UTRN: variants seen among roughly 807,000 people sequenced by gnomAD.
UTRN encodes the protein utrophin.
In UTRN, 283 loss-of-function variants were observed where a neutral mutation model predicts 463.9. That is an observed-to-expected ratio of 0.61 (90% CI 0.55 to 0.67). The LOEUF (loss-of-function observed/expected upper bound fraction) is 0.67. Ranked by LOEUF, UTRN falls within the 30% of genes least tolerant of loss-of-function variation. The pLI is 0.00. For missense variants in UTRN, 3,922 were observed against 4,084.3 expected, an observed-to-expected ratio of 0.96 and a Z score of 1.08; for synonymous variants, 1,442 against 1,431.5, an observed-to-expected ratio of 1.01 and a Z score of -0.17.
intron 51 of UTRN, chr6:144,583,394 T>C (rs1459982208): frequency 1.7e-6 from 1 of 584,708 alleles, no homozygotes. Context: ...ACGAGCATGC[T>C]CAGAGAACTG....
intron 53 of UTRN, chr6:144,708,280 G>T: frequency 3.0e-6 from 2 of 661,222 alleles, no homozygotes; most frequent in Admixed American, 1.9e-5. Flanking sequence ...CAATAGAGTT[G>T]TAAGTACTGA....
intron 60 of UTRN, among the ~76,000 whole-genome samples, chr6:144,778,710 G>A (rs1228267144): frequency 6.6e-6 from 1 of 152,122 alleles, no homozygotes; most frequent in Non-Finnish European, 1.5e-5. Flanking sequence ...ATGCTTAACA[G>A]TGTTCATTGT....
At chr6:144,747,337 TAGA>T (rs1281945559) in intron 54 of UTRN, among the ~76,000 whole-genome samples, 1 of 152,204 alleles carries the variant, frequency 6.6e-6, no homozygotes, top group Non-Finnish European at 1.5e-5. Flanking sequence ...TTTTAAGGTG[TAGA>T]AGATAGTGAG....
chr6:144,426,001 T>C (rs1785259677), intron 6 of UTRN, among the ~76,000 whole-genome samples: 1 of 152,226 alleles, frequency 6.6e-6, no homozygotes, highest in South Asian at 2.1e-4. Flanking sequence ...GTGAAAGTTA[T>C]GTTCATTGTA....
chr6:144,803,250 T>C (rs1586638454), intron 65 of UTRN, 103 bp downstream of exon 65: 3 of 727,670 alleles, frequency 4.1e-6, no homozygotes, highest in Admixed American at 4.3e-5. Context: ...TGAAAAAATA[T>C]CACTTTGAAG....
At chr6:144,676,789 A>G (rs534133841) in intron 51 of UTRN, among the ~76,000 whole-genome samples, 1 of 152,188 alleles carries the variant, frequency 6.6e-6, no homozygotes, top group Non-Finnish European at 1.5e-5. Flanking sequence ...TTTAGAAATA[A>G]ATTTTATAAG....
At chr6:144,709,896 A>C (rs1420802239) in intron 53 of UTRN, among the ~76,000 whole-genome samples, 3 of 152,214 alleles carry the variant, frequency 2.0e-5, no homozygotes, top group Admixed American at 6.5e-5. Flanking sequence ...TAAATGATTT[A>C]ATGACTCCTT....
intron 31 of UTRN, among the ~76,000 whole-genome samples, chr6:144,490,719 G>A (rs1049767145): frequency 2.0e-5 from 3 of 152,136 alleles, no homozygotes; most frequent in African/African-American, 7.2e-5. Flanking sequence ...GACACTGAGT[G>A]TTGTAATTTT....
intron 50 of UTRN, among the ~76,000 whole-genome samples, chr6:144,565,437 G>A (rs567099002): frequency 7.2e-5 from 11 of 152,262 alleles, no homozygotes; most frequent in Middle Eastern, 6.8e-3. Flanking sequence ...GACTGGATGA[G>A]ATCACCAGGG....
chr6:144,396,449 G>A lies in UTRN; in HGVS notation c.80-6674G>A, dbSNP rs78574661. Among the ~76,000 whole-genome samples the A allele has an allele frequency of 0.013, 2,023 of 152,248 alleles. 110 individuals are homozygous for A. In the East Asian group the frequency reaches 0.19, roughly 14 times the overall value. On this transcript the variant is annotated intron_variant, in intron 2 of 74. Coordinates refer to ENST00000367545, the MANE Select transcript of UTRN (RefSeq NM_007124.3). ...GAAAAAGTTTTGGGACTAGATAGTG[G>A]TTATGGTTGTATAACACTGTAGGTG... is the stretch of plus-strand genomic sequence containing the variant.
chr6:144,808,094 G>T (rs1280249655), intron 65 of UTRN, among the ~76,000 whole-genome samples: 1 of 152,060 alleles, frequency 6.6e-6, no homozygotes, highest in Non-Finnish European at 1.5e-5. Context: ...GAAAATAGGG[G>T]TTTGTGTATA....
intron 54 of UTRN, among the ~76,000 whole-genome samples, chr6:144,732,247 T>TAC (rs1197689032): frequency 0.011 from 1,221 of 112,700 alleles, 19 homozygotes; most frequent in African/African-American, 0.047. Flanking sequence ...TACATATATA[T>TAC]ATATATATAT....
At chr6:144,341,928 G>T (rs1018514431) in intron 2 of UTRN, among the ~76,000 whole-genome samples, 2 of 152,180 alleles carry the variant, frequency 1.3e-5, no homozygotes, top group African/African-American at 4.8e-5. Context: ...ATTCCTATTG[G>T]AAAATAGCCA....
intron 8 of UTRN, 136 bp downstream of exon 8, chr6:144,429,029 G>A (rs968774172): frequency 2.3e-5 from 13 of 557,984 alleles, no homozygotes; most frequent in African/African-American, 1.3e-4. Flanking sequence ...ATAGGTGCGA[G>A]TCATTTTATT....
chr6:144,661,145 G>A (rs1001442785), intron 51 of UTRN, among the ~76,000 whole-genome samples: 5 of 152,138 alleles, frequency 3.3e-5, no homozygotes, highest in East Asian at 1.9e-4. Flanking sequence ...GGCTTTCACC[G>A]TGAATGCCCC....
chr6:144,732,998 C>A (rs576803275), intron 54 of UTRN, among the ~76,000 whole-genome samples: 24 of 152,232 alleles, frequency 1.6e-4, no homozygotes, highest in Non-Finnish European at 2.9e-5. Context: ...CCACCGTGCC[C>A]AGCCTAGCAT....
intron 74 of UTRN, among the ~76,000 whole-genome samples, 166 bp downstream of exon 74, chr6:144,846,993 T>TG (rs1159178460): frequency 2.0e-5 from 3 of 152,190 alleles, no homozygotes; most frequent in African/African-American, 4.8e-5. Flanking sequence ...AGTCTGGGAG[T>TG]GGGGGGTGGC....
chr6:144,686,075 A>G (rs146295090), intron 52 of UTRN, among the ~76,000 whole-genome samples: 74 of 152,244 alleles, frequency 4.9e-4, no homozygotes, highest in African/African-American at 1.7e-3. Context: ...ATTTTTGTAT[A>G]TAGTGAGAAA....
At chr6:144,800,624 T>G (rs1188208541) in intron 64 of UTRN, among the ~76,000 whole-genome samples, 2 of 152,192 alleles carry the variant, frequency 1.3e-5, no homozygotes, top group Non-Finnish European at 2.9e-5. Flanking sequence ...CTGAGTTTCT[T>G]CAACTTCAAA....
Sources: gnomAD v4.1 joint callset for allele counts (sites outside exome capture counted in the v4.1 genomes callset) on GRCh38, gnomAD v4.1.1 for gene constraint, MANE v1.5 for transcripts, NCBI Gene and HGNC (gene_info 2026-07-23, HGNC 2026-07-21) for gene names.